NALCN: variants seen among roughly 807,000 people sequenced by gnomAD.
NALCN encodes sodium leak channel, non-selective, also known as sodium leak channel NALCN.
A neutral mutation model predicts 225.3 loss-of-function variants in NALCN; 111 were observed. That is an observed-to-expected ratio of 0.49 (90% CI 0.42 to 0.58). The LOEUF (loss-of-function observed/expected upper bound fraction) is 0.58, where lower values mean the gene tolerates loss of function less well. Among genes scored for constraint, NALCN ranks in the 20% least tolerant of loss-of-function variants. The probability of loss-of-function intolerance (pLI) is 0.00; values close to 1 mark genes in which losing one functional copy is unlikely to be tolerated. For missense variants in NALCN, 1,378 were observed against 2,202.4 expected (o/e 0.63, Z 7.49); for synonymous variants, 764 against 769.0 (o/e 0.99, Z 0.11).
chr13:101,289,549 T>TATATATATATATATATATATAC (rs1491392183), intron 9 of NALCN, among the ~76,000 whole-genome samples: 1 of 81,096 alleles, frequency 1.2e-5, no homozygotes. Context: ...TATATATATA[T>TATATATATATATATATATATAC]ACACATATTT....
chr13:101,196,923 G>T (rs538475873), intron 13 of NALCN, among the ~76,000 whole-genome samples: 1 of 152,218 alleles, frequency 6.6e-6, no homozygotes, highest in African/African-American at 2.4e-5. Context: ...TGAGCTTCCT[G>T]TACTCTTGAA....
chr13:101,334,715 T>C (rs537216770), intron 7 of NALCN, among the ~76,000 whole-genome samples: 1 of 152,298 alleles, frequency 6.6e-6, no homozygotes, highest in East Asian at 1.9e-4. Context: ...AGGAATCTGT[T>C]CTAAAGCATA....
chr13:101,350,044 A>C (rs1454533436), intron 6 of NALCN, among the ~76,000 whole-genome samples: 2 of 151,982 alleles, frequency 1.3e-5, no homozygotes, highest in Admixed American at 1.3e-4. Flanking sequence ...TTTTGAGCTA[A>C]TTCCATTCTC....
intron 13 of NALCN, among the ~76,000 whole-genome samples, chr13:101,194,255 A>C (rs2039800915): frequency 6.6e-6 from 1 of 152,174 alleles, no homozygotes; most frequent in African/African-American, 2.4e-5. Flanking sequence ...GGGAGAAAAA[A>C]AAATCGAATT....
At chr13:101,352,216 T>C (rs1355216119) in intron 6 of NALCN, among the ~76,000 whole-genome samples, 1 of 151,948 alleles carries the variant, frequency 6.6e-6, no homozygotes, top group Non-Finnish European at 1.5e-5. Flanking sequence ...CACAGGAGAG[T>C]GTGATGAATG....
chr13:101,188,388 T>C lies in NALCN; in HGVS notation c.1764+3529A>G, dbSNP rs191406314. The stretch of plus-strand genomic sequence containing the variant: ...GACCATGTATAACTTGGCCCCAGCA[T>C]GGACTTATAGGGAGAGAAGTATGTA... On this transcript the variant is annotated intron_variant, in intron 14 of 43. Transcript: ENST00000251127. Among the ~76,000 whole-genome samples, 799 of 152,196 alleles carry C rather than the reference T, an allele frequency of 5.2e-3. 23 individuals are homozygous for C. Among genetic ancestry groups the C allele is most frequent in the Admixed American group, 0.048 (728 of 15,266 alleles).
At chr13:101,120,527 A>C (rs1169748694) in intron 18 of NALCN, among the ~76,000 whole-genome samples, 1 of 152,148 alleles carries the variant, frequency 6.6e-6, no homozygotes, top group Non-Finnish European at 1.5e-5. Context: ...ACTTAAAAAA[A>C]AAAAAAAACC....
chr13:101,273,884 CAAAAAAAA>C (rs34847260), intron 10 of NALCN, among the ~76,000 whole-genome samples: 1 of 95,868 alleles, frequency 1.0e-5, no homozygotes, highest in East Asian at 3.1e-4. Context: ...GACTCCATCT[CAAAAAAAA>C]AAAAAAAAAA....
chr13:101,068,464 C>A (rs1331891010), intron 38 of NALCN, among the ~76,000 whole-genome samples: 1 of 152,092 alleles, frequency 6.6e-6, no homozygotes, highest in Non-Finnish European at 1.5e-5. Context: ...GAGAAGAGCC[C>A]TTTTGAAATT....
At chr13:101,217,811 G>A (rs1300491320) in intron 13 of NALCN, among the ~76,000 whole-genome samples, 3 of 152,158 alleles carry the variant, frequency 2.0e-5, no homozygotes, top group African/African-American at 7.2e-5. Context: ...TAGCTACTTT[G>A]CAGGTACCTA....
intron 9 of NALCN, among the ~76,000 whole-genome samples, chr13:101,284,426 A>G (rs1361320154): frequency 6.6e-6 from 1 of 152,172 alleles, no homozygotes; most frequent in African/African-American, 2.4e-5. Context: ...GCAAATTTTT[A>G]TTTTTATTTA....
intron 6 of NALCN, among the ~76,000 whole-genome samples, chr13:101,365,230 T>C (rs576492713): frequency 1.3e-5 from 2 of 152,280 alleles, no homozygotes; most frequent in East Asian, 3.9e-4. Context: ...CCAGTGTCTG[T>C]TGTTGCCTTC....
At chr13:101,270,172 A>G (rs973413226) in intron 10 of NALCN, among the ~76,000 whole-genome samples, 50 of 152,194 alleles carry the variant, frequency 3.3e-4, no homozygotes, top group Non-Finnish European at 2.9e-4. Flanking sequence ...ATCTCAACAG[A>G]CTTTGACAAA....
chr13:101,074,472 G>A lies in NALCN; in HGVS notation c.4103+42C>T, dbSNP rs776660172. 4.1e-6 allele frequency: 6 copies of A among 1,472,352 alleles called. No homozygotes were observed. In the East Asian group the frequency reaches 1.2e-4, roughly 30 times the overall value. The allele number at this position is 1,472,352 out of a possible 1,614,324, so 91.2% of individuals were successfully genotyped here. ...TTTATTTAAAATTTTATTACCAAAG[G>A]GTTTGCTTGATAAATGAATAGAAAG... On this transcript the variant is annotated intron_variant, in intron 36 of 43. Transcript: ENST00000251127.
Position 101,104,377 on chromosome 13 carries a change from T to C in NALCN, c.2807A>G (p.Lys936Arg). Residue 936 changes from lysine (K) to arginine (R), a missense_variant, in exon 25 of 44, where the codon AAG (lysine) becomes AGG (arginine). By Grantham distance (26) the Lys-to-Arg change is conservative (BLOSUM62 2). Coordinates refer to ENST00000251127, the MANE Select transcript of NALCN (RefSeq NM_052867.4). This position sits in a 1 kb window ranked among gnomAD's most constrained non-coding sequence, Gnocchi z 4.2. ...VIFMSIELNL[K>R]IMADGLFFTP... ...GAAAAATAAGCCATCTGCCATAATC[T>C]TCAGATTAAGCTCAATGCTCATGAA... 1 of 1,613,846 alleles carries C rather than the reference T, an allele frequency of 6.2e-7. No individual in the cohort carries two copies. Among genetic ancestry groups the C allele is most frequent in the South Asian group, 1.1e-5 (1 of 91,050 alleles).
At chr13:101,082,126 C>T (rs568992724) in intron 33 of NALCN, among the ~76,000 whole-genome samples, 4 of 152,292 alleles carry the variant, frequency 2.6e-5, no homozygotes, top group Non-Finnish European at 5.9e-5. Context: ...GATCCACCCA[C>T]ATCGGCTTCC....
At chr13:101,120,756 C>T (rs1347912916) in intron 18 of NALCN, among the ~76,000 whole-genome samples, 1 of 152,082 alleles carries the variant, frequency 6.6e-6, no homozygotes, top group Non-Finnish European at 1.5e-5. Context: ...TGAACCAAAG[C>T]CGGGGGAAAG....
At chr13:101,316,591 C>T (rs1475763765) in intron 7 of NALCN, among the ~76,000 whole-genome samples, 1 of 152,204 alleles carries the variant, frequency 6.6e-6, no homozygotes, top group African/African-American at 2.4e-5. Flanking sequence ...TAAGTTCAAA[C>T]ATCAAATTTT....
chr13:101,279,795 C>T (rs368941577), intron 10 of NALCN, among the ~76,000 whole-genome samples: 4 of 146,310 alleles, frequency 2.7e-5, no homozygotes, highest in East Asian at 2.0e-4. Flanking sequence ...CCAGCCTGGG[C>T]GACAGAGCGA....
Sources: allele counts gnomAD v4.1 joint callset (sites outside exome capture counted in the v4.1 genomes callset), GRCh38; gene constraint gnomAD v4.1.1; non-coding constraint Gnocchi (gnomAD v3.1); transcripts MANE v1.5; gene names NCBI Gene and HGNC (gene_info 2026-07-23, HGNC 2026-07-21).